AIM2: variants seen among roughly 807,000 people sequenced by gnomAD.
AIM2 encodes absent in melanoma 2, also known as interferon-inducible protein AIM2.
In AIM2, 30 loss-of-function variants were observed where a neutral mutation model predicts 27.7. The observed-to-expected ratio is 1.08, with a 90% CI of 0.81 to 1.47. AIM2 has a LOEUF of 1.47. Among genes scored for constraint, AIM2 ranks in the 40% most tolerant of loss-of-function variants. The pLI, the probability that AIM2 is intolerant of heterozygous loss-of-function variation, is 0.00. For missense variants in AIM2, 358 were observed against 411.3 expected (o/e 0.87, Z 1.12); for synonymous variants, 141 against 145.3 (o/e 0.97, Z 0.21).
At chr1:159,101,735 A>C (rs1003821463) in intron 1 of AIM2, among the ~76,000 whole-genome samples, 1 of 152,190 alleles carries the variant, frequency 6.6e-6, no homozygotes, top group Non-Finnish European at 1.5e-5. Context: ...CACTTCAGCA[A>C]AGAAACTGGC....
At chr1:159,097,968 T>A (rs1479330281) in intron 1 of AIM2, among the ~76,000 whole-genome samples, 1 of 152,152 alleles carries the variant, frequency 6.6e-6, no homozygotes, top group Non-Finnish European at 1.5e-5. Context: ...AGAGAATTTA[T>A]GAAAACACAT....
intron 1 of AIM2, among the ~76,000 whole-genome samples, chr1:159,086,528 C>A (rs929854820): frequency 2.0e-5 from 3 of 152,232 alleles, no homozygotes; most frequent in Non-Finnish European, 4.4e-5. Context: ...CTGGCTAATT[C>A]TTACTCACCC....
intron 1 of AIM2, among the ~76,000 whole-genome samples, chr1:159,133,133 T>G (rs1647936593): frequency 6.6e-6 from 1 of 152,194 alleles, no homozygotes; most frequent in Non-Finnish European, 1.5e-5. Flanking sequence ...CCCTATCACA[T>G]TCCCAAAAAC....
At chr1:159,105,681 T>C (rs1657424859) in intron 1 of AIM2, among the ~76,000 whole-genome samples, 1 of 152,154 alleles carries the variant, frequency 6.6e-6, no homozygotes, top group African/African-American at 2.4e-5. Flanking sequence ...AGGCACGTCA[T>C]CCTGATGAGC....
intron 2 of AIM2, among the ~76,000 whole-genome samples, 177 bp downstream of exon 2, chr1:159,073,061 T>C (rs1656432491): frequency 6.6e-6 from 1 of 152,204 alleles, no homozygotes; most frequent in South Asian, 2.1e-4. Context: ...GTGGAATTTG[T>C]AACAAACACT....
rs763428118 is a variant in AIM2, at chr1:159,073,233, A to G, written c.262+5T>C. The G allele has an allele frequency of 7.4e-6, 12 of 1,613,850 alleles. No individual in the cohort carries two copies. The highest frequency in any genetic ancestry group is 1.7e-5 in the Admixed American group (1 of 59,990). ...GACGGGGCAGGTGTGGAACTCCCACATTACCTTTCTCCTTCTCCTCCTGAA... is the reference window on the plus strand; with the variant it reads ...GACGGGGCAGGTGTGGAACTCCCACGTTACCTTTCTCCTTCTCCTCCTGAA... On this transcript the variant is annotated splice_donor_5th_base_variant and intron_variant, in intron 2 of 5. Transcript: ENST00000368130.
At chr1:159,055,506 A>T in the AIM2 span, among the ~76,000 whole-genome samples, 1 of 152,352 alleles carries the variant, frequency 6.6e-6, no homozygotes, top group African/African-American at 2.4e-5. Flanking sequence ...GATGTGCATG[A>T]AGGCACTTGT....
rs143489670 is a variant in AIM2 at position 159,069,954 on chromosome 1, C to T, written c.263-1253G>A. On this transcript the variant is annotated intron_variant, in intron 2 of 5. Transcript: ENST00000368130. The stretch of plus-strand genomic sequence containing the variant: ...GCAGCCATACTGGCCTTCTTTCAGT[C>T]CTCAAGCAAGTCAACACCTGCTGTC... Among the ~76,000 whole-genome samples, 1,231 of 152,348 alleles carry T rather than the reference C, an allele frequency of 8.1e-3. 6 individuals are homozygous for T. The highest frequency in any genetic ancestry group is 0.011 in the Non-Finnish European group (779 of 68,040).
chr1:159,080,344 G>A (rs1451844268), upstream of AIM2, among the ~76,000 whole-genome samples: 1 of 152,186 alleles, frequency 6.6e-6, no homozygotes, highest in Non-Finnish European at 1.5e-5. Flanking sequence ...GCATTGAACA[G>A]TTTTAAGAAT....
intron 1 of AIM2, among the ~76,000 whole-genome samples, chr1:159,074,688 C>T (rs1570948103): frequency 6.6e-6 from 1 of 151,728 alleles, no homozygotes; most frequent in South Asian, 2.1e-4. Context: ...AGTACCACTC[C>T]AAGAGAGAAA....
chr1:159,068,566 A>G lies in AIM2; in HGVS notation c.396+2T>C, dbSNP rs1570940788. On this transcript the variant is annotated splice_donor_variant, in intron 3 of 5. Coordinates refer to ENST00000368130, the MANE Select transcript of AIM2 (RefSeq NM_004833.3). LOFTEE classifies it high-confidence loss of function. ...AAGACCACTCCACTCTCCTTATCCT[A>G]CCTTAACATGAGGAGAGACTTTTGG... 3.1e-6 allele frequency: 5 copies of G among 1,611,134 alleles called. No individual in the cohort carries two copies. The highest frequency in any genetic ancestry group is 2.2e-5 in the East Asian group (1 of 44,720).
intron 1 of AIM2, among the ~76,000 whole-genome samples, chr1:159,101,123 A>G (rs1476468018): frequency 6.6e-6 from 1 of 152,058 alleles, no homozygotes; most frequent in Non-Finnish European, 1.5e-5. Context: ...TTGAATTGTA[A>G]TAAGCCCCAC....
intron 1 of AIM2, among the ~76,000 whole-genome samples, chr1:159,101,087 C>T (rs1657301953): frequency 1.3e-5 from 2 of 152,040 alleles, no homozygotes; most frequent in Admixed American, 6.5e-5. Context: ...TATGGTTTGG[C>T]TCTGTGTCCC....
chr1:159,115,033 C>A (rs1405353701), intron 1 of AIM2, among the ~76,000 whole-genome samples: 1 of 152,174 alleles, frequency 6.6e-6, no homozygotes, highest in African/African-American at 2.4e-5. Flanking sequence ...TTCTTATACA[C>A]CAATAACAGA....
intron 1 of AIM2, among the ~76,000 whole-genome samples, chr1:159,105,737 G>C (rs532812871): frequency 6.6e-6 from 1 of 152,132 alleles, no homozygotes; most frequent in Non-Finnish European, 1.5e-5. Context: ...TAGTAGTCCC[G>C]ATGTCTATGT....
chr1:159,129,262 A>T (rs1406852094), intron 1 of AIM2, among the ~76,000 whole-genome samples: 1 of 152,156 alleles, frequency 6.6e-6, no homozygotes, highest in East Asian at 1.9e-4. Context: ...TTACATCTTG[A>T]CCTTGATTTT....
At chr1:159,099,726 C>G (rs1657272060) in intron 1 of AIM2, among the ~76,000 whole-genome samples, 1 of 152,162 alleles carries the variant, frequency 6.6e-6, no homozygotes, top group African/African-American at 2.4e-5. Flanking sequence ...CTCCCATGAT[C>G]CCAGCAAAAG....
chr1:159,074,411 T>C (rs1210360601), intron 1 of AIM2, among the ~76,000 whole-genome samples: 1 of 152,196 alleles, frequency 6.6e-6, no homozygotes, highest in Non-Finnish European at 1.5e-5. Flanking sequence ...ATATGAATTT[T>C]CCCAGAATCA....
chr1:159,079,103 A>C (rs1327870791), upstream of AIM2, among the ~76,000 whole-genome samples: 1 of 152,152 alleles, frequency 6.6e-6, no homozygotes, highest in Non-Finnish European at 1.5e-5. Flanking sequence ...AAAAACAGAA[A>C]ACAAATCAGA....
Sources: gnomAD v4.1 joint callset for allele counts (sites outside exome capture counted in the v4.1 genomes callset) on GRCh38, gnomAD v4.1.1 for gene constraint, MANE v1.5 for transcripts, NCBI Gene and HGNC (gene_info 2026-07-23, HGNC 2026-07-21) for gene names.